The following ASB4 variants were observed in gnomAD, a reference collection of about 807,000 sequenced individuals.
ASB4 encodes ankyrin repeat and SOCS box protein 4.
Under a neutral mutation model 38.6 loss-of-function variants are expected in ASB4, and 35 were observed. The ratio of observed to expected loss-of-function variants is 0.91; its 90% CI spans 0.69 to 1.20. The LOEUF (loss-of-function observed/expected upper bound fraction) is 1.20, where lower values mean the gene tolerates loss of function less well. Ranked by LOEUF, ASB4 falls within the 50% of genes most tolerant of loss-of-function variation. The probability of loss-of-function intolerance (pLI) is 0.00; values close to 1 mark genes in which losing one functional copy is unlikely to be tolerated. For missense variants in ASB4, 557 were observed against 527.2 expected, an observed-to-expected ratio of 1.06 and a Z score of -0.55; for synonymous variants, 195 against 201.3, an observed-to-expected ratio of 0.97 and a Z score of 0.26.
In ASB4 at chr7:95,517,614, A is replaced by G. The variant is rs374627639; in HGVS notation, c.488-10199A>G. On this transcript the variant is annotated intron_variant, in intron 2 of 4. Transcript: ENST00000325885. ...CCCAAGGAAACTGAAAAAAAAAAAGAATTTCAAGAAATGAGTCATCAATAC... is the reference window on the plus strand; with the variant it reads ...CCCAAGGAAACTGAAAAAAAAAAAGGATTTCAAGAAATGAGTCATCAATAC... 4.9e-3 allele frequency among the ~76,000 whole-genome samples: 748 copies of G among 151,596 alleles called. 5 individuals are homozygous for G. The highest frequency in any genetic ancestry group is 0.017 in the African/African-American group (708 of 41,004).
Position 95,527,934 on chromosome 7 carries a change from C to A in ASB4, c.609C>A (p.Ser203Arg), listed in dbSNP as rs529532225. Reference sequence around the variant, plus strand: ...TGGAACACGGGGCCATAGTGGACAGCGTGAATGCCCACATGGAGACCCCCC... The same window carrying A: ...TGGAACACGGGGCCATAGTGGACAGAGTGAATGCCCACATGGAGACCCCCC... ...FYVEHGAIVD[S>R]VNAHMETPLA... is the part of the protein sequence containing the mutation. Residue 203 changes from serine (S) to arginine (R), a missense_variant, in exon 3 of 5, where the codon AGC becomes AGA. Physicochemically the swap from Ser to Arg is moderately radical, Grantham distance 110 (BLOSUM62 -1). Coordinates refer to ENST00000325885, the MANE Select transcript of ASB4 (RefSeq NM_016116.3). The A allele has an allele frequency of 6.2e-7, 1 of 1,614,164 alleles. No homozygotes were observed. The highest frequency in any genetic ancestry group is 1.1e-5 in the South Asian group (1 of 91,086).
the ASB4 span, chr7:95,471,880 T>C: frequency 1.3e-5 from 2 of 150,706 alleles, no homozygotes; most frequent in African/African-American, 4.9e-5. Flanking sequence ...CTGCTTTTTT[T>C]AACAGATGAA....
chr7:95,496,542 G>A (rs570081636), intron 2 of ASB4, among the ~76,000 whole-genome samples: 2 of 152,152 alleles, frequency 1.3e-5, no homozygotes, highest in Non-Finnish European at 2.9e-5. Flanking sequence ...TAGGTAGGCT[G>A]AAATTTTAAG....
At chr7:95,483,239 G>A (rs10225645), upstream of ASB4, among the ~76,000 whole-genome samples, 55,492 of 152,030 alleles carry the variant, frequency 0.37, 10,772 homozygotes, top group East Asian at 0.74. Flanking sequence ...GGTCTCGTAA[G>A]CTGCACTCTT....
At chr7:95,516,808 T>G (rs1189406093) in intron 2 of ASB4, among the ~76,000 whole-genome samples, 4 of 152,202 alleles carry the variant, frequency 2.6e-5, no homozygotes, top group Admixed American at 6.5e-5. Context: ...TGTTTAAATA[T>G]TTGCATGTCC....
the ASB4 span, among the ~76,000 whole-genome samples, chr7:95,546,455 C>T: frequency 0.013 from 1,971 of 152,176 alleles, 39 homozygotes; most frequent in African/African-American, 0.044. Flanking sequence ...AAGGTTGACT[C>T]ATTGAACATA....
chr7:95,479,015 A>C (rs1051151037), intron 1 of ASB4, among the ~76,000 whole-genome samples: 3 of 152,132 alleles, frequency 2.0e-5, no homozygotes, highest in Non-Finnish European at 4.4e-5. Context: ...CTTTCAAAAA[A>C]TCTCAGCAAG....
chr7:95,505,439 T>A (rs1180279312), intron 2 of ASB4, among the ~76,000 whole-genome samples: 2 of 152,104 alleles, frequency 1.3e-5, no homozygotes, highest in Non-Finnish European at 2.9e-5. Context: ...TTAAAAGACA[T>A]TAAGAAGATA....
At chr7:95,489,524 A>C (rs2116578746) in intron 1 of ASB4, among the ~76,000 whole-genome samples, 1 of 152,332 alleles carries the variant, frequency 6.6e-6, no homozygotes, top group East Asian at 1.9e-4. Flanking sequence ...CTGCAGATGA[A>C]ATCATGTTTT....
At chr7:95,515,201 CT>C (rs1184279238) in intron 2 of ASB4, among the ~76,000 whole-genome samples, 19 of 128,278 alleles carry the variant, frequency 1.5e-4, no homozygotes, top group Non-Finnish European at 2.2e-4. Context: ...TTCTTTCTTT[CT>C]TTCTTTCTTT....
downstream of ASB4, chr7:95,543,025 C>T (rs999108541): frequency 6.6e-6 from 1 of 152,204 alleles, no homozygotes; most frequent in African/African-American, 2.4e-5. Context: ...AGGTCCTTCT[C>T]AAGATCCAGG....
chr7:95,491,970 G>T (rs1293400212), intron 1 of ASB4, among the ~76,000 whole-genome samples: 1 of 152,182 alleles, frequency 6.6e-6, no homozygotes, highest in Non-Finnish European at 1.5e-5. Context: ...TTGCAACACA[G>T]CTTCCAGATA....
intron 2 of ASB4, among the ~76,000 whole-genome samples, chr7:95,504,613 G>A (rs1790383617): frequency 6.6e-6 from 1 of 152,038 alleles, no homozygotes; most frequent in Non-Finnish European, 1.5e-5. Flanking sequence ...ATTTAATGTT[G>A]TCATCAAATT....
At chr7:95,528,530 A>C (rs138592628) in intron 3 of ASB4, 3 of 1,428,110 alleles carry the variant, frequency 2.1e-6, no homozygotes, top group Non-Finnish European at 2.7e-6. Context: ...AAGAGTAGCA[A>C]ATAATTTGTT....
chr7:95,522,384 A>G (rs1481484297), intron 2 of ASB4, among the ~76,000 whole-genome samples: 1 of 149,278 alleles, frequency 6.7e-6, no homozygotes, highest in African/African-American at 2.5e-5. Flanking sequence ...TTCAAATTCT[A>G]CACATGGGCT....
intron 2 of ASB4, among the ~76,000 whole-genome samples, chr7:95,498,701 A>C (rs1474596068): frequency 6.6e-6 from 1 of 152,196 alleles, no homozygotes; most frequent in African/African-American, 2.4e-5. Context: ...AGTTCTGATA[A>C]ATTCAATTTA....
chr7:95,551,011 G>A, the ASB4 span, among the ~76,000 whole-genome samples: 9 of 152,020 alleles, frequency 5.9e-5, no homozygotes, highest in Middle Eastern at 3.2e-3. Flanking sequence ...TAAAAGTCTC[G>A]CTTTTGTCAC....
At chr7:95,478,599 G>A (rs899444239) in exon 1 of ASB4, 2 of 152,156 alleles carry the variant, frequency 1.3e-5, no homozygotes, top group African/African-American at 2.4e-5. Context: ...GAAACACTCA[G>A]GGTAATTAGC....
At chr7:95,481,535 A>T (rs1790021596), upstream of ASB4, among the ~76,000 whole-genome samples, 1 of 152,190 alleles carries the variant, frequency 6.6e-6, no homozygotes, top group Non-Finnish European at 1.5e-5. Context: ...TTGCCACAGA[A>T]ATTCTAGTTT....
Sources: allele counts gnomAD v4.1 joint callset (sites outside exome capture counted in the v4.1 genomes callset), GRCh38; gene constraint gnomAD v4.1.1; transcripts MANE v1.5; gene names NCBI Gene and HGNC (gene_info 2026-07-23, HGNC 2026-07-21).